Variants in PKHD1 observed in about 807,000 individuals in gnomAD.
PKHD1 encodes the protein PKHD1 ciliary IPT domain containing fibrocystin/polyductin.
In PKHD1, 291 loss-of-function variants were observed where a neutral mutation model predicts 412.0. That is an observed-to-expected ratio of 0.71 (90% confidence interval 0.64 to 0.78). The LOEUF (loss-of-function observed/expected upper bound fraction) is 0.78, where lower values mean the gene tolerates loss of function less well. PKHD1 is among the 30% of genes least tolerant of loss of function. PKHD1 has a pLI of 0.00. For synonymous variants in PKHD1, 1,777 were observed against 1,821.5 expected (o/e 0.98, Z 0.62); for missense variants, 4,825 against 4,950.7 (o/e 0.97, Z 0.76).
At chr6:51,719,884 T>C (rs188068634) in intron 60 of PKHD1, among the ~76,000 whole-genome samples, 1 of 152,156 alleles carries the variant, frequency 6.6e-6, no homozygotes, top group African/African-American at 2.4e-5. Flanking sequence ...CTGACATATA[T>C]GCCATGTCTC....
intron 59 of PKHD1, among the ~76,000 whole-genome samples, chr6:51,745,694 A>AC (rs1785102922): frequency 2.0e-5 from 3 of 152,230 alleles, no homozygotes; most frequent in African/African-American, 7.2e-5. Context: ...ACACAGTGAG[A>AC]CCCCATCTCC....
intron 35 of PKHD1, among the ~76,000 whole-genome samples, chr6:51,974,146 T>C (rs1488792879): frequency 6.6e-6 from 1 of 152,218 alleles, no homozygotes; most frequent in Non-Finnish European, 1.5e-5. Context: ...ATTGATGACC[T>C]TCTGATAGCC....
At chr6:51,699,950 T>TGTGTGTG (rs1779237412) in intron 60 of PKHD1, among the ~76,000 whole-genome samples, 1 of 151,790 alleles carries the variant, frequency 6.6e-6, no homozygotes, top group Non-Finnish European at 1.5e-5. Context: ...TGTGTGTGTG[T>TGTGTGTG]GTGTGTAAAA....
rs559292691 is a variant in PKHD1, at chr6:51,616,259, T to C, written c.*2822A>G. The C allele has an allele frequency of 1.3e-5, 2 of 158,692 alleles. No homozygotes were observed. Among genetic ancestry groups the C allele is most frequent in the African/African-American group, 2.4e-5 (1 of 41,860 alleles). 9.8% of individuals were successfully genotyped at this position (158,692 alleles called of 1,614,324 possible). ...TAGAATTTTAGCTTGTCCAATCTCT[T>C]GAGAGAAATGAGTCCATCAATACAG... On this transcript the variant is annotated 3_prime_UTR_variant, in exon 67 of 67. Coordinates refer to ENST00000371117, the MANE Select transcript of PKHD1 (RefSeq NM_138694.4).
At chr6:51,897,182 G>C (rs201217304) in intron 43 of PKHD1, among the ~76,000 whole-genome samples, 6 of 152,222 alleles carry the variant, frequency 3.9e-5, no homozygotes, top group Admixed American at 6.5e-5. Context: ...GATATTCATC[G>C]AGAAGAGCAA....
At chr6:51,752,865 C>T (rs1300786318) in intron 57 of PKHD1, among the ~76,000 whole-genome samples, 1 of 152,120 alleles carries the variant, frequency 6.6e-6, no homozygotes, top group East Asian at 1.9e-4. Flanking sequence ...TAGCATGCTA[C>T]TGGGAAAGAG....
chr6:51,827,638 T>C (rs74689628), intron 52 of PKHD1, among the ~76,000 whole-genome samples: 8,316 of 152,164 alleles, frequency 0.055, 237 homozygotes, highest in South Asian at 0.071. Flanking sequence ...ACCTTTACCC[T>C]AGAGACACTA....
intron 60 of PKHD1, among the ~76,000 whole-genome samples, chr6:51,737,088 T>C (rs1278665580): frequency 1.3e-5 from 2 of 152,150 alleles, no homozygotes; most frequent in Non-Finnish European, 2.9e-5. Flanking sequence ...TCCACAGTGG[T>C]TTATAACTTT....
chr6:51,822,840 T>C (rs1219609875), intron 52 of PKHD1, among the ~76,000 whole-genome samples: 1 of 152,196 alleles, frequency 6.6e-6, no homozygotes, highest in Non-Finnish European at 1.5e-5. Context: ...CATTTTTCTT[T>C]ATTTTTTTAC....
intron 55 of PKHD1, among the ~76,000 whole-genome samples, chr6:51,761,072 T>C (rs1175329301): frequency 2.6e-5 from 4 of 152,136 alleles, no homozygotes; most frequent in Non-Finnish European, 5.9e-5. Flanking sequence ...ATCCATCTTC[T>C]AGATATATAT....
At chr6:51,714,119 C>T (rs1780970119) in intron 60 of PKHD1, among the ~76,000 whole-genome samples, 1 of 152,094 alleles carries the variant, frequency 6.6e-6, no homozygotes, top group Non-Finnish European at 1.5e-5. Context: ...GGCCTGTAAT[C>T]CCAGCACTTT....
chr6:51,780,864 G>C (rs912528200), intron 53 of PKHD1, among the ~76,000 whole-genome samples: 6 of 152,094 alleles, frequency 3.9e-5, no homozygotes, highest in Non-Finnish European at 8.8e-5. Context: ...CTATTTTCCA[G>C]GTGCTAGTCA....
intron 60 of PKHD1, among the ~76,000 whole-genome samples, chr6:51,692,847 A>T (rs1444281253): frequency 6.6e-6 from 1 of 151,954 alleles, no homozygotes; most frequent in African/African-American, 2.4e-5. Flanking sequence ...TGCCCCAATC[A>T]CTCTGTCAAC....
intron 35 of PKHD1, among the ~76,000 whole-genome samples, chr6:51,982,136 G>C (rs1434260762): frequency 1.8e-5 from 1 of 55,430 alleles, no homozygotes; most frequent in African/African-American, 5.3e-5. Context: ...ACCCCGTCTG[G>C]GAAGTGAGGA....
intron 27 of PKHD1, 107 bp downstream of exon 27, chr6:52,042,752 T>C (rs1220458565): frequency 1.2e-5 from 12 of 1,001,054 alleles, no homozygotes; most frequent in Middle Eastern, 5.3e-4. Context: ...CAAAAGACAG[T>C]GAGTCACAGT....
At chr6:51,978,192 C>A (rs2128014109) in intron 35 of PKHD1, among the ~76,000 whole-genome samples, 1 of 152,244 alleles carries the variant, frequency 6.6e-6, no homozygotes, top group East Asian at 1.9e-4. Flanking sequence ...AACAGCCATT[C>A]CCCACCCCAC....
chr6:51,880,779 TAA>T (rs71544105), intron 46 of PKHD1, among the ~76,000 whole-genome samples: 4,331 of 30,136 alleles, frequency 0.14, 356 homozygotes, highest in Non-Finnish European at 0.16. Flanking sequence ...AAAAAAAAAT[TAA>T]AAAAAAAAAA....
At chr6:51,822,655 T>C (rs1193525051) in intron 52 of PKHD1, among the ~76,000 whole-genome samples, 1 of 152,170 alleles carries the variant, frequency 6.6e-6, no homozygotes, top group South Asian at 2.1e-4. Context: ...TTCAATCTTC[T>C]GGTCCACATT....
chr6:51,931,930 G>A (rs13201227), intron 37 of PKHD1, among the ~76,000 whole-genome samples: 2 of 149,894 alleles, frequency 1.3e-5, no homozygotes, highest in African/African-American at 2.4e-5. Context: ...AAAGAAGAAA[G>A]AGGGAGAAGA....
Sources: allele counts gnomAD v4.1 joint callset (sites outside exome capture counted in the v4.1 genomes callset), GRCh38; gene constraint gnomAD v4.1.1; transcripts MANE v1.5; gene names NCBI Gene and HGNC (gene_info 2026-07-23, HGNC 2026-07-21).